CAV1: variants seen among roughly 807,000 people sequenced by gnomAD.
The protein encoded by CAV1 is caveolin 1.
In CAV1, 10 loss-of-function variants were observed where a neutral mutation model predicts 16.5. The ratio of observed to expected loss-of-function variants is 0.61; its 90% CI spans 0.37 to 1.03. The LOEUF is 1.03. CAV1 is among the 50% of genes least tolerant of loss of function. The pLI, the probability that CAV1 is intolerant of heterozygous loss-of-function variation, is 0.01. For synonymous variants in CAV1, 76 were observed against 85.1 expected, an observed-to-expected ratio of 0.89 and a Z score of 0.59; for missense variants, 212 against 232.8, an observed-to-expected ratio of 0.91 and a Z score of 0.58.
At chr7:116,525,533 A>C in intron 1 of CAV1, 1 of 1,225,918 alleles carries the variant, frequency 8.2e-7, no homozygotes. Context: ...AGGCGCCCAG[A>C]CCGGCAGGTC....
At chr7:116,540,829 T>C (rs1419074493) in intron 2 of CAV1, among the ~76,000 whole-genome samples, 6 of 152,294 alleles carry the variant, frequency 3.9e-5, no homozygotes, top group South Asian at 2.1e-4. Context: ...AACAAGAAGA[T>C]ACCAGGATAG....
intron 2 of CAV1, chr7:116,526,979 C>T (rs1176380165): frequency 4.4e-6 from 2 of 453,518 alleles, no homozygotes; most frequent in African/African-American, 2.0e-5. Flanking sequence ...AGCAAATGAG[C>T]CTATTGACCT....
At chr7:116,540,439 G>A (rs1793912551) in intron 2 of CAV1, among the ~76,000 whole-genome samples, 1 of 152,092 alleles carries the variant, frequency 6.6e-6, no homozygotes, top group Admixed American at 6.6e-5. Context: ...CCTATCAACA[G>A]GCTAAGTGTA....
intron 2 of CAV1, among the ~76,000 whole-genome samples, chr7:116,557,995 C>T (rs1386852655): frequency 6.6e-6 from 1 of 152,098 alleles, no homozygotes. Flanking sequence ...ACTATGACAC[C>T]CTTGCTTGTT....
Position 116,531,960 on chromosome 7 carries a change from T to C in CAV1, c.195+5271T>C, listed in dbSNP as rs3807984. 2.6e-4 allele frequency among the ~76,000 whole-genome samples: 39 copies of C among 152,360 alleles called. 2 individuals are homozygous for C. The East Asian group carries it at 7.5e-3, about 29-fold the overall frequency. ...CCAAAATGGCAGCTATTATTCATTC[T>C]TAAGCATATGAAATGCTTTCAGGTT... On this transcript the variant is annotated intron_variant, in intron 2 of 2. Transcript: ENST00000341049.
At chr7:116,527,841 G>A (rs545240549) in intron 2 of CAV1, among the ~76,000 whole-genome samples, 2 of 152,156 alleles carry the variant, frequency 1.3e-5, no homozygotes, top group African/African-American at 2.4e-5. Flanking sequence ...ATTTCAAAAG[G>A]GGAAACAGTT....
rs1029452814 is a variant in CAV1 at position 116,525,811 on chromosome 7, A to T, written c.31-714A>T. On this transcript the variant is annotated intron_variant, in intron 1 of 2. Transcript: ENST00000341049. ...GGGTCGGGGGAGCTGCGCAGGTGAG[A>T]CTGAGTTCTAGGACATTTAGGGGGT... 4 of 1,029,632 alleles carry T rather than the reference A, an allele frequency of 3.9e-6. No individual in the cohort carries two copies. The African/African-American group carries it at 6.9e-5, about 18-fold the overall frequency. 63.8% of individuals were successfully genotyped at this position (1,029,632 alleles called of 1,614,324 possible).
intron 2 of CAV1, among the ~76,000 whole-genome samples, chr7:116,549,210 C>G (rs949353542): frequency 1.3e-5 from 2 of 152,212 alleles, no homozygotes; most frequent in African/African-American, 4.8e-5. Context: ...CCCAGCAGGG[C>G]TGGGCCTGGG....
chr7:116,555,620 A>G (rs1461748652), intron 2 of CAV1, among the ~76,000 whole-genome samples: 1 of 113,676 alleles, frequency 8.8e-6, no homozygotes, highest in African/African-American at 3.0e-5. Context: ...GAAAGAAAGA[A>G]GGGAGGGAGG....
chr7:116,525,228 C>T, intron 1 of CAV1, 136 bp downstream of exon 1: 2 of 1,611,724 alleles, frequency 1.2e-6, no homozygotes. Flanking sequence ...GGCGTTGGCA[C>T]CGCTGAGGAA....
chr7:116,549,415 C>G (rs1020824198), intron 2 of CAV1, among the ~76,000 whole-genome samples: 1 of 152,198 alleles, frequency 6.6e-6, no homozygotes, highest in South Asian at 2.1e-4. Flanking sequence ...CTTGAATTAT[C>G]CCCTTGTCAG....
chr7:116,558,985 C>A lies in CAV1; in HGVS notation c.235C>A (p.His79Asn). 9 of 1,613,796 alleles carry A rather than the reference C, an allele frequency of 5.6e-6. No individual in the cohort carries two copies. Among genetic ancestry groups the A allele is most frequent in the Non-Finnish European group, 7.6e-6 (9 of 1,179,854 alleles). ...EDVIAEPEGT[H>N]SFDGIWKASF... ...TGTGATTGCAGAACCAGAAGGGACA[C>A]ACAGTTTTGACGGCATTTGGAAGGC... The change falls in exon 3 of 3, where the codon CAC becomes AAC. Residue 79 changes from histidine to asparagine, a missense_variant. Physicochemically the swap from His to Asn is moderately conservative, Grantham distance 68. Coordinates refer to ENST00000341049, the MANE Select transcript of CAV1 (RefSeq NM_001753.5).
At chr7:116,533,348 TAAATAAAATAAAATAAAATAAAATAA>T (rs753276424) in intron 2 of CAV1, among the ~76,000 whole-genome samples, 30,834 of 137,644 alleles carry the variant, frequency 0.22, 3,939 homozygotes, top group Middle Eastern at 0.26. Flanking sequence ...AAAAATAAAA[TAAATAAAATAAAATAAAATAAAATAA>T]AATAAAATAA....
Position 116,561,040 on chromosome 7 carries a change from C to T in CAV1, c.*1753C>T, listed in dbSNP as rs369427253. The T allele has an allele frequency of 2.2e-4, 34 of 152,666 alleles. No homozygotes were observed. Among genetic ancestry groups the T allele is most frequent in the African/African-American group, 7.7e-4 (32 of 41,542 alleles). The allele number at this position is 152,666 out of a possible 1,614,324, so 9.5% of individuals were successfully genotyped here. A position where few individuals can be genotyped will look rare whatever the true frequency, so the allele number is the denominator to read the frequency against. On this transcript the variant is annotated 3_prime_UTR_variant, in exon 3 of 3. Coordinates refer to ENST00000341049, the MANE Select transcript of CAV1 (RefSeq NM_001753.5). ...AAGACATGTCTGTTCTACATAGATG[C>T]TTAGTCCCTCATGCAAATCAATTAC... is the stretch of plus-strand genomic sequence containing the variant.
At chr7:116,543,090 C>T (rs1793973113) in intron 2 of CAV1, 1 of 152,178 alleles carries the variant, frequency 6.6e-6, no homozygotes. Context: ...CATGGACCTC[C>T]AGGGTTATAT....
At chr7:116,534,393 A>T (rs1289796419) in intron 2 of CAV1, among the ~76,000 whole-genome samples, 506 of 6,580 alleles carry the variant, frequency 0.077, 17 homozygotes, top group East Asian at 0.42. Context: ...ATATATATAT[A>T]TATTTTTTTT....
Position 116,526,870 on chromosome 7 carries a change from G to T in CAV1, c.195+181G>T, listed in dbSNP as rs142780267. On this transcript the variant is annotated intron_variant, in intron 2 of 2. Coordinates refer to ENST00000341049, the MANE Select transcript of CAV1 (RefSeq NM_001753.5). ...GGGAGCTCCCGCAGTCGGCAGAAACGTTACATCTCCCTTCCCCCATCTCCC... is the reference window on the plus strand; with the variant it reads ...GGGAGCTCCCGCAGTCGGCAGAAACTTTACATCTCCCTTCCCCCATCTCCC... The T allele has an allele frequency of 7.1e-4, 473 of 669,038 alleles. 1 individual carries two copies. The African/African-American group carries it at 7.5e-3, about 11-fold the overall frequency. 41.4% of individuals were successfully genotyped at this position (669,038 alleles called of 1,614,324 possible). A position where few individuals can be genotyped will look rare whatever the true frequency, so the allele number is the denominator to read the frequency against.
chr7:116,527,388 TTA>T (rs947940996), intron 2 of CAV1, among the ~76,000 whole-genome samples: 1 of 152,208 alleles, frequency 6.6e-6, no homozygotes, highest in Admixed American at 6.5e-5. Context: ...AGCTGCTTCT[TTA>T]GTAGCTACCT....
intron 2 of CAV1, among the ~76,000 whole-genome samples, chr7:116,544,241 A>C (rs1466093901): frequency 2.6e-5 from 4 of 152,250 alleles, no homozygotes; most frequent in African/African-American, 9.6e-5. Context: ...CAATGAATGC[A>C]ATCACTAATT....
Sources: allele counts gnomAD v4.1 joint callset (sites outside exome capture counted in the v4.1 genomes callset), GRCh38; gene constraint gnomAD v4.1.1; transcripts MANE v1.5; gene names NCBI Gene and HGNC (gene_info 2026-07-23, HGNC 2026-07-21).